ASAP2: variants seen among roughly 807,000 people sequenced by gnomAD.
ASAP2 encodes the protein ArfGAP with SH3 domain, ankyrin repeat and PH domain 2.
Under a neutral mutation model 131.4 loss-of-function variants are expected in ASAP2, and 45 were observed. The ratio of observed to expected loss-of-function variants is 0.34; its 90% CI spans 0.27 to 0.44. ASAP2 has a LOEUF of 0.44. Among genes scored for constraint, ASAP2 ranks in the 20% least tolerant of loss-of-function variants. ASAP2 has a pLI of 1.00. For synonymous variants in ASAP2, 510 were observed against 503.0 expected, an observed-to-expected ratio of 1.01 and a Z score of -0.19; for missense variants, 1,011 against 1,297.0, an observed-to-expected ratio of 0.78 and a Z score of 3.39.
At chr2:9,318,689 C>G (rs1011960296) in intron 4 of ASAP2, 91 bp downstream of exon 4, 3 of 798,848 alleles carry the variant, frequency 3.8e-6, no homozygotes, top group Non-Finnish European at 6.1e-6. Flanking sequence ...CACGCCAGTA[C>G]GTTCTCATTG....
At chr2:9,214,247 A>C (rs1294067761) in intron 1 of ASAP2, among the ~76,000 whole-genome samples, 1 of 149,274 alleles carries the variant, frequency 6.7e-6, no homozygotes, top group East Asian at 2.0e-4. Context: ...TTTCTTTTTT[A>C]TTTTGTTTGA....
At chr2:9,259,892 A>G (rs1281608179) in intron 1 of ASAP2, among the ~76,000 whole-genome samples, 1 of 152,242 alleles carries the variant, frequency 6.6e-6, no homozygotes, top group Non-Finnish European at 1.5e-5. Flanking sequence ...AGTGTCCTGC[A>G]TAGTCCTTGG....
chr2:9,245,195 C>T (rs1434753852), intron 1 of ASAP2, among the ~76,000 whole-genome samples: 8 of 152,224 alleles, frequency 5.3e-5, no homozygotes, highest in Non-Finnish European at 1.0e-4. Context: ...GAGCTGGGCT[C>T]CTCCCACACA....
intron 1 of ASAP2, among the ~76,000 whole-genome samples, chr2:9,258,332 G>GTTTTTT (rs769009726): frequency 2.7e-5 from 3 of 112,528 alleles, no homozygotes; most frequent in East Asian, 2.3e-4. Flanking sequence ...GTAATCAGTA[G>GTTTTTT]TTGTTTTTTT....
chr2:9,328,738 C>A (rs769143553), intron 7 of ASAP2, among the ~76,000 whole-genome samples: 4 of 152,180 alleles, frequency 2.6e-5, no homozygotes, highest in Non-Finnish European at 5.9e-5. Flanking sequence ...CTGGCTCCTT[C>A]ACTCACCCAC....
chr2:9,291,921 T>C (rs1219584907), intron 2 of ASAP2, among the ~76,000 whole-genome samples: 3 of 152,042 alleles, frequency 2.0e-5, no homozygotes, highest in Non-Finnish European at 4.4e-5. Context: ...TTAGCTCTTA[T>C]CTAGGCTAAG....
chr2:9,221,850 A>G (rs1163156427), intron 1 of ASAP2, among the ~76,000 whole-genome samples: 1 of 152,026 alleles, frequency 6.6e-6, no homozygotes, highest in Non-Finnish European at 1.5e-5. Flanking sequence ...GCTGGAGTGC[A>G]TGGCGCCATC....
At chr2:9,334,204 T>G (rs1170687853) in intron 7 of ASAP2, among the ~76,000 whole-genome samples, 3 of 150,202 alleles carry the variant, frequency 2.0e-5, no homozygotes, top group East Asian at 1.9e-4. Context: ...TGTATTTGTT[T>G]TTTTTTTTTT....
chr2:9,252,988 C>T (rs1038053119), intron 1 of ASAP2, among the ~76,000 whole-genome samples: 1 of 151,922 alleles, frequency 6.6e-6, no homozygotes, highest in Admixed American at 6.6e-5. Flanking sequence ...CTACACCAAG[C>T]ATCTTGACTA....
chr2:9,287,210 C>T (rs1313203813), intron 2 of ASAP2, among the ~76,000 whole-genome samples: 1 of 152,230 alleles, frequency 6.6e-6, no homozygotes, highest in African/African-American at 2.4e-5. Context: ...CAAGCAGCAA[C>T]GTGGGGAACA....
chr2:9,366,415 A>C (rs1673479134), intron 15 of ASAP2, among the ~76,000 whole-genome samples: 1 of 152,118 alleles, frequency 6.6e-6, no homozygotes, highest in Non-Finnish European at 1.5e-5. Context: ...TTGTCACTCA[A>C]CTTGGGAAAA....
intron 1 of ASAP2, among the ~76,000 whole-genome samples, chr2:9,246,818 C>A (rs1664369919): frequency 6.6e-6 from 1 of 152,266 alleles, no homozygotes; most frequent in Admixed American, 6.5e-5. Flanking sequence ...AGCCTGTGTA[C>A]TGCTGCATGT....
At chr2:9,239,768 G>T (rs1045881885) in intron 1 of ASAP2, among the ~76,000 whole-genome samples, 11 of 151,718 alleles carry the variant, frequency 7.3e-5, no homozygotes, top group Non-Finnish European at 1.6e-4. Context: ...TCACTGTGTC[G>T]CCCAGGCTGG....
intron 18 of ASAP2, among the ~76,000 whole-genome samples, chr2:9,378,122 A>C (rs982234010): frequency 2.0e-5 from 3 of 152,160 alleles, no homozygotes; most frequent in African/African-American, 7.2e-5. Flanking sequence ...GGTGAAAAAG[A>C]AACTCCTTTT....
chr2:9,259,464 C>T (rs1460473344), intron 1 of ASAP2, among the ~76,000 whole-genome samples: 2 of 152,240 alleles, frequency 1.3e-5, no homozygotes, highest in Non-Finnish European at 2.9e-5. Context: ...TCTGCAGGCT[C>T]CCACCCCTCA....
Position 9,254,240 on chromosome 2 carries a change from T to G in ASAP2, c.127-25077T>G, listed in dbSNP as rs866103716. On this transcript the variant is annotated intron_variant, in intron 1 of 27. Coordinates refer to ENST00000281419, the MANE Select transcript of ASAP2 (RefSeq NM_003887.3). ...AAAAAAAAAAAAAAAAAAAAAAATA[T>G]ATATATATATATATACACGTGTGTG... Among the ~76,000 whole-genome samples the G allele has an allele frequency of 1.3e-4, 9 of 68,896 alleles. No homozygotes were observed. The Admixed American group carries it at 1.4e-3, about 11-fold the overall frequency. The allele number at this position is 68,896 out of a possible 152,430, so 45.2% of individuals were successfully genotyped here. A position where few individuals can be genotyped will look rare whatever the true frequency, so the allele number is the denominator to read the frequency against.
chr2:9,395,854 T>G (rs983384393), intron 24 of ASAP2, among the ~76,000 whole-genome samples: 3 of 151,870 alleles, frequency 2.0e-5, no homozygotes, highest in Non-Finnish European at 4.4e-5. Context: ...TGATCTGCCC[T>G]CCTCGGCCTC....
chr2:9,379,130 C>A, intron 19 of ASAP2, 71 bp downstream of exon 19: 1 of 1,148,410 alleles, frequency 8.7e-7, no homozygotes, highest in Non-Finnish European at 1.2e-6. Context: ...GCCATCCAAG[C>A]GCTGCTCTTG....
intron 6 of ASAP2, among the ~76,000 whole-genome samples, chr2:9,326,127 TC>T (rs981860058): frequency 6.6e-6 from 1 of 152,200 alleles, no homozygotes; most frequent in African/African-American, 2.4e-5. Flanking sequence ...ACACCTGCAA[TC>T]CCAGCACTTT....
Sources: allele counts gnomAD v4.1 joint callset (sites outside exome capture counted in the v4.1 genomes callset), GRCh38; gene constraint gnomAD v4.1.1; transcripts MANE v1.5; gene names NCBI Gene and HGNC (gene_info 2026-07-23, HGNC 2026-07-21).